Variants in HLCS observed in about 807,000 individuals in gnomAD.
HLCS encodes the protein holocarboxylase synthetase.
A neutral mutation model predicts 75.0 loss-of-function variants in HLCS; 53 were observed. The ratio of observed to expected loss-of-function variants is 0.71; its 90% CI spans 0.57 to 0.89. The LOEUF is 0.89. HLCS is among the 40% of genes least tolerant of loss of function. The probability of loss-of-function intolerance (pLI) is 0.00; values close to 1 mark genes in which losing one functional copy is unlikely to be tolerated. For synonymous variants in HLCS, 431 were observed against 428.6 expected, an observed-to-expected ratio of 1.01 and a Z score of -0.07; for missense variants, 966 against 1,074.0, an observed-to-expected ratio of 0.90 and a Z score of 1.41.
At chr21:36,882,112 C>A (rs2064246165) in intron 6 of HLCS, among the ~76,000 whole-genome samples, 1 of 151,960 alleles carries the variant, frequency 6.6e-6, no homozygotes, top group Non-Finnish European at 1.5e-5. Context: ...GAAACCCCGT[C>A]TCTACTAAAA....
intron 1 of HLCS, among the ~76,000 whole-genome samples, chr21:36,962,409 T>C (rs2068347659): frequency 6.6e-6 from 1 of 152,182 alleles, no homozygotes; most frequent in South Asian, 2.1e-4. Context: ...GACCACTGTT[T>C]TCAAGCCATG....
intron 6 of HLCS, among the ~76,000 whole-genome samples, chr21:36,866,358 T>G (rs1166847644): frequency 4.6e-5 from 7 of 152,212 alleles, no homozygotes; most frequent in African/African-American, 1.4e-4. Context: ...GTGACATGAT[T>G]ATGAATATTA....
In HLCS at chr21:36,938,860, A is replaced by T. The variant is rs1445315658; in HGVS notation, c.465T>A (p.Asp155Glu). The T allele has an allele frequency of 1.9e-5, 30 of 1,613,984 alleles. No individual in the cohort carries two copies. Among genetic ancestry groups the T allele is most frequent in the Non-Finnish European group, 2.4e-5 (28 of 1,180,024 alleles). ...CAATCTTTTGGGGTACCAGTCCATT[A>T]TCCATGTGGAGTCTATCTTCCATGA... is the stretch of plus-strand genomic sequence containing the variant. The part of the protein sequence containing the change: ...VAFMEDRLHM[D>E]NGLVPQKIVS... The change falls in exon 3 of 11, where the codon GAT becomes GAA. Residue 155 changes from aspartate to glutamate, a missense_variant. Physicochemically the swap from Asp to Glu is conservative, Grantham distance 45 (BLOSUM62 2). Coordinates refer to ENST00000674895, the MANE Select transcript of HLCS (RefSeq NM_001352514.2).
At chr21:36,971,903 G>A (rs2068801774) in intron 1 of HLCS, 1 of 151,976 alleles carries the variant, frequency 6.6e-6, no homozygotes, top group African/African-American at 2.4e-5. Context: ...CGAAAAGAAT[G>A]TAGGATAAAA....
Position 36,855,715 on chromosome 21 carries a change from C to T in HLCS, c.1892+41145G>A, listed in dbSNP as rs2063168820. ...TCTCAGTCTCCCAAGTAGCTGGGAC[C>T]ACAGGTGCACGCCACCACACCTGGC... On this transcript the variant is annotated intron_variant, in intron 6 of 10. Coordinates refer to ENST00000674895, the MANE Select transcript of HLCS (RefSeq NM_001352514.2). Among the ~76,000 whole-genome samples, 2 of 151,844 alleles carry T rather than the reference C, an allele frequency of 1.3e-5. 1 individual carries two copies. Among genetic ancestry groups the T allele is most frequent in the South Asian group, 4.2e-4 (2 of 4,802 alleles).
chr21:36,946,480 G>A (rs551878471), intron 2 of HLCS, among the ~76,000 whole-genome samples: 10 of 152,090 alleles, frequency 6.6e-5, no homozygotes, highest in South Asian at 2.1e-4. Context: ...GAGCTCAAGC[G>A]ACCCTCCTGC....
intron 6 of HLCS, among the ~76,000 whole-genome samples, chr21:36,786,921 T>A (rs1262153490): frequency 6.6e-6 from 1 of 151,994 alleles, no homozygotes; most frequent in Non-Finnish European, 1.5e-5. Flanking sequence ...ACAACAGAGG[T>A]GTCAGAGTCC....
chr21:36,891,996 A>G (rs1849383075), intron 6 of HLCS, among the ~76,000 whole-genome samples: 1 of 152,196 alleles, frequency 6.6e-6, no homozygotes, highest in Non-Finnish European at 1.5e-5. Flanking sequence ...GGAATGGCAG[A>G]GCGCTGAGGC....
intron 5 of HLCS, among the ~76,000 whole-genome samples, chr21:36,912,705 G>A (rs1373911903): frequency 6.6e-6 from 1 of 152,046 alleles, no homozygotes; most frequent in Non-Finnish European, 1.5e-5. Flanking sequence ...GAAGGAGTCA[G>A]GATCTCAGTT....
chr21:36,982,313 C>T (rs1305473022), intron 1 of HLCS, among the ~76,000 whole-genome samples: 5 of 152,160 alleles, frequency 3.3e-5, no homozygotes, highest in Non-Finnish European at 5.9e-5. Flanking sequence ...TTCTGAACAT[C>T]CACTCGTCTC....
upstream of HLCS, among the ~76,000 whole-genome samples, chr21:36,969,962 T>G (rs996687980): frequency 5.3e-5 from 8 of 152,168 alleles, no homozygotes; most frequent in African/African-American, 1.9e-4. Context: ...GAAGACCACC[T>G]CTGAAACCCA....
At chr21:36,865,667 A>G (rs16994573) in intron 6 of HLCS, among the ~76,000 whole-genome samples, 2,323 of 152,316 alleles carry the variant, frequency 0.015, 57 homozygotes, top group African/African-American at 0.052. Context: ...TTCCAAACGA[A>G]TAGTAAACTG....
chr21:36,970,179 T>A (rs1038586449), upstream of HLCS, among the ~76,000 whole-genome samples: 1 of 152,224 alleles, frequency 6.6e-6, no homozygotes, highest in Middle Eastern at 3.2e-3. Flanking sequence ...CTGTTTGAAC[T>A]TGGAGAGCAT....
intron 6 of HLCS, among the ~76,000 whole-genome samples, chr21:36,831,140 G>A (rs918653834): frequency 1.2e-4 from 18 of 152,140 alleles, no homozygotes; most frequent in African/African-American, 4.3e-4. Context: ...GTGATCCCAT[G>A]GCCTTATTCA....
rs35012674 is a variant in HLCS at position 36,882,620 on chromosome 21, CTT to C, written c.1892+14238_1892+14239del. Reference sequence around the variant, plus strand: ...CACGCCTGGCTAATTTTCTTTCTTTCTTTTTTTTTTTTTTTTTTTTTTAGTAG... The same window carrying C: ...CACGCCTGGCTAATTTTCTTTCTTTCTTTTTTTTTTTTTTTTTTTTAGTAG... On this transcript the variant is annotated intron_variant, in intron 6 of 10. Coordinates refer to ENST00000674895, the MANE Select transcript of HLCS (RefSeq NM_001352514.2). Among the ~76,000 whole-genome samples, 330 of 104,436 alleles carry C rather than the reference CTT, an allele frequency of 3.2e-3. 1 individual carries two copies. Among genetic ancestry groups the C allele is most frequent in the Middle Eastern group, 0.022 (4 of 182 alleles). 68.5% of individuals were successfully genotyped at this position (104,436 alleles called of 152,430 possible). A position where few individuals can be genotyped will look rare whatever the true frequency, so the allele number is the denominator to read the frequency against.
At position 36,951,283 on chromosome 21, in the gene HLCS, G is replaced by T. The variant is rs188759521; in HGVS notation, c.330+10753C>A. Among the ~76,000 whole-genome samples, 137 of 152,154 alleles carry T rather than the reference G, an allele frequency of 9.0e-4. 2 individuals are homozygous for T. Among genetic ancestry groups the T allele is most frequent in the Admixed American group, 8.4e-3 (128 of 15,278 alleles). On this transcript the variant is annotated intron_variant, in intron 2 of 10. Transcript: ENST00000674895. Reference sequence around the variant, plus strand: ...TGCTTTCCCCTCTGGCCTTATCTAGGGCCATTCCCCAACTCAGGTGAATGC... The same window carrying T: ...TGCTTTCCCCTCTGGCCTTATCTAGTGCCATTCCCCAACTCAGGTGAATGC...
intron 5 of HLCS, among the ~76,000 whole-genome samples, chr21:36,927,088 TTGTG>T (rs1438852518): frequency 2.6e-5 from 4 of 152,158 alleles, no homozygotes; most frequent in Non-Finnish European, 5.9e-5. Context: ...AAACGTGTGT[TTGTG>T]TGTTTGTTTT....
chr21:36,956,563 C>T (rs998315324), intron 2 of HLCS, among the ~76,000 whole-genome samples: 1 of 151,964 alleles, frequency 6.6e-6, no homozygotes, highest in Admixed American at 6.6e-5. Context: ...CCCATCTCTA[C>T]TAAACATACA....
intron 6 of HLCS, among the ~76,000 whole-genome samples, chr21:36,830,771 A>G (rs2062177074): frequency 6.9e-6 from 1 of 144,062 alleles, no homozygotes; most frequent in Non-Finnish European, 1.5e-5. Context: ...GCAGTGAGCC[A>G]TGATGATGCC....
Sources: gnomAD v4.1 joint callset for allele counts (sites outside exome capture counted in the v4.1 genomes callset) on GRCh38, gnomAD v4.1.1 for gene constraint, MANE v1.5 for transcripts, NCBI Gene and HGNC (gene_info 2026-07-23, HGNC 2026-07-21) for gene names.